The following DMD variants were observed in gnomAD, a reference collection of about 807,000 sequenced individuals.
DMD encodes dystrophin, also known as mutant dystrophin.
A neutral mutation model predicts 330.1 loss-of-function variants in DMD; 63 were observed. The observed-to-expected ratio is 0.19, with a 90% CI of 0.16 to 0.24. DMD has a LOEUF of 0.24. Ranked by LOEUF, DMD falls within the 10% of genes least tolerant of loss-of-function variation. DMD has a pLI of 1.00. For synonymous variants in DMD, 1,223 were observed against 959.8 expected (o/e 1.27, Z -5.07); for missense variants, 3,344 against 2,684.1 (o/e 1.25, Z -5.43).
chrX:31,350,794 G>A (rs1022973703), intron 60 of DMD, among the ~76,000 whole-genome samples: 29 of 110,978 alleles, frequency 2.6e-4, no homozygotes, highest in African/African-American at 9.2e-4. Flanking sequence ...ACTATTTCTG[G>A]GTGTGTCTGT....
intron 7 of DMD, among the ~76,000 whole-genome samples, chrX:32,763,446 G>C (rs1347613250): frequency 3.6e-5 from 4 of 111,742 alleles, no homozygotes; most frequent in African/African-American, 1.3e-4. Context: ...TAGTGTCAGA[G>C]ATGAAAACAG....
At chrX:31,943,096 A>G (rs1001503967) in intron 45 of DMD, among the ~76,000 whole-genome samples, 1 of 112,545 alleles carries the variant, frequency 8.9e-6, no homozygotes, top group Non-Finnish European at 1.9e-5. Context: ...ATTCATTTAC[A>G]TATTGTCTAT....
intron 46 of DMD, among the ~76,000 whole-genome samples, chrX:31,931,144 AAATGAGGAT>A (rs1409120192): frequency 9.0e-6 from 1 of 111,105 alleles, no homozygotes; most frequent in African/African-American, 3.3e-5. Flanking sequence ...TGACCGTGTA[AAATGAGGAT>A]AATAGCAACC....
chrX:31,336,195 T>A (rs2057395246), intron 61 of DMD, among the ~76,000 whole-genome samples: 1 of 112,710 alleles, frequency 8.9e-6, no homozygotes. Context: ...GTGTTCCACA[T>A]GACTTTCATT....
At chrX:32,308,213 T>C (rs2097547858) in intron 42 of DMD, among the ~76,000 whole-genome samples, 1 of 111,192 alleles carries the variant, frequency 9.0e-6, no homozygotes, top group Non-Finnish European at 1.9e-5. Flanking sequence ...TAGAAAGTAA[T>C]TCTTTTAACA....
At chrX:32,682,550 T>C (rs1217245313) in intron 9 of DMD, among the ~76,000 whole-genome samples, 2 of 111,374 alleles carry the variant, frequency 1.8e-5, no homozygotes, top group Admixed American at 9.6e-5. Flanking sequence ...GTTAACTTAG[T>C]TTATGATTTC....
rs183024686 is a variant in DMD, at chrX:31,889,238, T to C, written c.6913-13865A>G. 1.5e-4 allele frequency among the ~76,000 whole-genome samples: 17 copies of C among 112,205 alleles called. No homozygotes were observed. The Admixed American group carries it at 1.6e-3, about 11-fold the overall frequency. ...ATATTGACTTTTCAGTAAACTTTGG[T>C]GTTCATGAGCAGCACTGTTATTCAT... is the stretch of plus-strand genomic sequence containing the variant. On this transcript the variant is annotated intron_variant, in intron 47 of 78. Transcript: ENST00000357033.
intron 57 of DMD, among the ~76,000 whole-genome samples, chrX:31,482,890 A>C (rs1022642588): frequency 9.1e-6 from 1 of 110,488 alleles, no homozygotes; most frequent in Non-Finnish European, 1.9e-5. Flanking sequence ...TCAGGATGAG[A>C]GACTTTCGAT....
chrX:31,307,528 G>T (rs1337410318), intron 62 of DMD, among the ~76,000 whole-genome samples: 1 of 110,750 alleles, frequency 9.0e-6, no homozygotes, highest in African/African-American at 3.3e-5. Context: ...ATGAGTGAGA[G>T]AAAAAGCTCT....
chrX:33,181,518 G>T (rs754391825), intron 1 of DMD, among the ~76,000 whole-genome samples: 3 of 111,631 alleles, frequency 2.7e-5, no homozygotes, highest in Non-Finnish European at 5.7e-5. Flanking sequence ...AACAGCAAGG[G>T]ATAGGGAAGG....
intron 19 of DMD, among the ~76,000 whole-genome samples, chrX:32,496,688 G>A (rs909395453): frequency 8.9e-6 from 1 of 112,737 alleles, no homozygotes; most frequent in Non-Finnish European, 1.9e-5. Context: ...GAGTTCACCC[G>A]TGCATGCACG....
At chrX:32,851,679 C>A (rs776383500) in intron 2 of DMD, among the ~76,000 whole-genome samples, 1 of 112,357 alleles carries the variant, frequency 8.9e-6, no homozygotes, top group African/African-American at 3.2e-5. Context: ...TTACGAATTG[C>A]CAACACCACC....
At chrX:32,377,612 G>C (rs1029306277) in intron 34 of DMD, among the ~76,000 whole-genome samples, 1 of 111,491 alleles carries the variant, frequency 9.0e-6, no homozygotes, top group African/African-American at 3.3e-5. Context: ...TTCTCAGTTA[G>C]AAACAATCTG....
At chrX:32,064,755 T>C (rs967212151) in intron 44 of DMD, among the ~76,000 whole-genome samples, 2 of 111,462 alleles carry the variant, frequency 1.8e-5, no homozygotes, top group African/African-American at 6.5e-5. Flanking sequence ...CTACAAGTTT[T>C]CTACCCAAAT....
chrX:32,677,736 A>G (rs1340566489), intron 9 of DMD, among the ~76,000 whole-genome samples: 1 of 111,803 alleles, frequency 8.9e-6, no homozygotes, highest in Non-Finnish European at 1.9e-5. Context: ...ATATGAGGAA[A>G]TAACTATTAT....
chrX:32,579,188 A>G (rs1398210423), intron 13 of DMD, among the ~76,000 whole-genome samples: 1 of 112,139 alleles, frequency 8.9e-6, no homozygotes, highest in Non-Finnish European at 1.9e-5. Context: ...AAAATGGTGT[A>G]CCTTATATCT....
intron 2 of DMD, among the ~76,000 whole-genome samples, chrX:32,952,907 G>T (rs1012354637): frequency 9.1e-6 from 1 of 110,121 alleles, no homozygotes; most frequent in Non-Finnish European, 1.9e-5. Context: ...GGCCAAGACG[G>T]GCAGATCACT....
At chrX:32,667,493 AC>A (rs2061376414) in intron 9 of DMD, among the ~76,000 whole-genome samples, 1 of 112,080 alleles carries the variant, frequency 8.9e-6, no homozygotes, top group Admixed American at 9.5e-5. Context: ...ACAAGGGAGT[AC>A]AAATATTATA....
At chrX:31,590,413 A>C (rs1484355621) in intron 55 of DMD, among the ~76,000 whole-genome samples, 2 of 111,738 alleles carry the variant, frequency 1.8e-5, no homozygotes, top group East Asian at 5.6e-4. Context: ...CTAAAAATCA[A>C]GAACGACATC....
Sources: gnomAD v4.1 joint callset for allele counts (sites outside exome capture counted in the v4.1 genomes callset) on GRCh38, gnomAD v4.1.1 for gene constraint, MANE v1.5 for transcripts, NCBI Gene and HGNC (gene_info 2026-07-23, HGNC 2026-07-21) for gene names.